The following ZNF521 variants were observed in gnomAD, a reference collection of about 807,000 sequenced individuals.
ZNF521 encodes LYST-interacting protein 3.
In ZNF521, 14 loss-of-function variants were observed where a neutral mutation model predicts 105.5. The observed-to-expected ratio is 0.13, with a 90% CI of 0.09 to 0.21. The LOEUF (loss-of-function observed/expected upper bound fraction) is 0.21, where lower values mean the gene tolerates loss of function less well. Ranked by LOEUF, ZNF521 falls within the 10% of genes least tolerant of loss-of-function variation. The probability of loss-of-function intolerance (pLI) is 1.00; values close to 1 mark genes in which losing one functional copy is unlikely to be tolerated. For missense variants in ZNF521, 1,233 were observed against 1,629.7 expected, an observed-to-expected ratio of 0.76 and a Z score of 4.19; for synonymous variants, 635 against 606.0, an observed-to-expected ratio of 1.05 and a Z score of -0.70.
At chr18:25,167,960 AT>A (rs2035376135) in intron 5 of ZNF521, among the ~76,000 whole-genome samples, 1 of 152,236 alleles carries the variant, frequency 6.6e-6, no homozygotes, top group African/African-American at 2.4e-5. Flanking sequence ...GGTCACTCGC[AT>A]AAAAGAGGGT....
intron 4 of ZNF521, among the ~76,000 whole-genome samples, chr18:25,208,184 C>T (rs2144675374): frequency 6.6e-6 from 1 of 152,264 alleles, no homozygotes; most frequent in South Asian, 2.1e-4. Context: ...TCTTAATATA[C>T]ATAGGAATCA....
intron 7 of ZNF521, among the ~76,000 whole-genome samples, chr18:25,088,108 C>G (rs560397725): frequency 1.2e-4 from 18 of 152,154 alleles, no homozygotes; most frequent in Non-Finnish European, 2.4e-4. Flanking sequence ...TCAGCTCTTT[C>G]ATTTGGTTCA....
chr18:25,075,440 G>A (rs572510684), intron 7 of ZNF521, among the ~76,000 whole-genome samples: 8 of 152,238 alleles, frequency 5.3e-5, no homozygotes, highest in Non-Finnish European at 2.9e-5. Context: ...TCCTGCCACC[G>A]GGCTCTTTAC....
rs369307919 is a variant in ZNF521, at chr18:25,081,610, G to T, written c.3906+7855C>A. On this transcript the variant is annotated intron_variant, in intron 7 of 7. Transcript: ENST00000361524. ...TGCCTCCAAGCATGCACACACAGAT[G>T]AGGCATTTATTGTACAAAACAGGTA... Among the ~76,000 whole-genome samples, 38 of 152,260 alleles carry T rather than the reference G, an allele frequency of 2.5e-4. No individual in the cohort carries two copies. The East Asian group carries it at 4.4e-3, about 18-fold the overall frequency.
chr18:25,262,175 C>G (rs184512043), intron 3 of ZNF521, among the ~76,000 whole-genome samples: 522 of 152,186 alleles, frequency 3.4e-3, no homozygotes, highest in Admixed American at 6.2e-3. Flanking sequence ...TGGGAGTCTT[C>G]CATGGCCCTC....
chr18:25,330,187 C>G (rs371457347), intron 2 of ZNF521, among the ~76,000 whole-genome samples: 1 of 151,356 alleles, frequency 6.6e-6, no homozygotes, highest in Non-Finnish European at 1.5e-5. Flanking sequence ...TTTTTTGAGA[C>G]AGAGTCTCAC....
At chr18:25,181,659 AT>A (rs890196819) in intron 5 of ZNF521, among the ~76,000 whole-genome samples, 2 of 152,176 alleles carry the variant, frequency 1.3e-5, no homozygotes, top group African/African-American at 4.8e-5. Context: ...CTAGAGAATG[AT>A]TTTAAACATA....
intron 5 of ZNF521, among the ~76,000 whole-genome samples, chr18:25,177,610 T>C (rs2035556518): frequency 6.6e-6 from 1 of 152,150 alleles, no homozygotes; most frequent in African/African-American, 2.4e-5. Flanking sequence ...GTAAGCAAAT[T>C]TGCTGCTAGT....
intron 3 of ZNF521, among the ~76,000 whole-genome samples, chr18:25,239,623 G>T (rs1334577260): frequency 6.6e-6 from 1 of 152,218 alleles, no homozygotes; most frequent in African/African-American, 2.4e-5. Context: ...TCAGGGAGGC[G>T]ATGCTAGAAT....
chr18:25,288,529 T>C (rs1600261517), intron 3 of ZNF521, among the ~76,000 whole-genome samples: 1 of 151,408 alleles, frequency 6.6e-6, no homozygotes, highest in East Asian at 1.9e-4. Flanking sequence ...CCCTCTCCTT[T>C]TCCTCTACTG....
At chr18:25,341,917 A>G (rs553236132) in intron 2 of ZNF521, among the ~76,000 whole-genome samples, 3 of 152,316 alleles carry the variant, frequency 2.0e-5, no homozygotes, top group African/African-American at 7.2e-5. Context: ...AGTGCCTGGG[A>G]TAAGACGGGC....
At chr18:25,214,587 A>T in intron 4 of ZNF521, among the ~76,000 whole-genome samples, 1 of 152,082 alleles carries the variant, frequency 6.6e-6, no homozygotes, top group Non-Finnish European at 1.5e-5. Flanking sequence ...TTTGAAATGT[A>T]TTTATCCTTC....
At chr18:25,316,886 C>T (rs904461168) in intron 3 of ZNF521, among the ~76,000 whole-genome samples, 2 of 140,898 alleles carry the variant, frequency 1.4e-5, no homozygotes, top group Non-Finnish European at 3.0e-5. Context: ...CAGAGTTTCA[C>T]TCTTGTCGCC....
At chr18:25,093,631 T>C (rs1304654183) in intron 5 of ZNF521, among the ~76,000 whole-genome samples, 1 of 152,168 alleles carries the variant, frequency 6.6e-6, no homozygotes, top group Non-Finnish European at 1.5e-5. Flanking sequence ...GGATTGGAAT[T>C]TGTAAAAAGA....
intron 2 of ZNF521, chr18:25,322,450 AG>A: frequency 2.1e-6 from 1 of 486,064 alleles, no homozygotes; most frequent in Non-Finnish European, 3.7e-6. Flanking sequence ...CCCACTCTTA[AG>A]ACTGACTTTA....
At chr18:25,077,665 C>T (rs1323958900) in intron 7 of ZNF521, among the ~76,000 whole-genome samples, 3 of 152,156 alleles carry the variant, frequency 2.0e-5, no homozygotes, top group Non-Finnish European at 1.5e-5. Context: ...AACAATGCCG[C>T]ACCAAAGTTG....
chr18:25,317,452 T>C (rs1270281481), intron 3 of ZNF521, among the ~76,000 whole-genome samples: 1 of 152,104 alleles, frequency 6.6e-6, no homozygotes, highest in African/African-American at 2.4e-5. Flanking sequence ...CAAGCAGAAT[T>C]TGAAGGTTGT....
chr18:25,108,585 A>C (rs1188266838), intron 5 of ZNF521, among the ~76,000 whole-genome samples: 1 of 152,076 alleles, frequency 6.6e-6, no homozygotes, highest in Admixed American at 6.6e-5. Context: ...AAGCAGGGGG[A>C]ATTTCCAGTT....
rs1357529558 is a variant in ZNF521 at position 25,225,008 on chromosome 18, G to A, written c.2910C>T (p.Ser970=). ...MCPICGERFP[S]LLTLTEHKVT... is the part of the protein sequence containing the mutation. Reference sequence around the variant, plus strand: ...CTTTGTGTTCAGTAAGAGTTAAAAGGGAGGGAAACCGCTCTCCGCAAATAG... The same window carrying A: ...CTTTGTGTTCAGTAAGAGTTAAAAGAGAGGGAAACCGCTCTCCGCAAATAG... Residue 970 remains serine (S), a synonymous_variant, in exon 4 of 8, where the codon TCC becomes TCT. Coordinates refer to ENST00000361524, the MANE Select transcript of ZNF521 (RefSeq NM_015461.3). The surrounding 1 kb of genome is among the most constrained non-coding windows in gnomAD (Gnocchi z 5.6). The A allele has an allele frequency of 1.2e-6, 2 of 1,614,142 alleles. No homozygotes were observed. The highest frequency in any genetic ancestry group is 1.1e-5 in the South Asian group (1 of 91,082).
Sources: gnomAD v4.1 joint callset for allele counts (sites outside exome capture counted in the v4.1 genomes callset) on GRCh38, gnomAD v4.1.1 for gene constraint, Gnocchi (gnomAD v3.1) non-coding constraint, MANE v1.5 for transcripts, NCBI Gene and HGNC (gene_info 2026-07-23, HGNC 2026-07-21) for gene names.